The following ABCG5 variants were observed in gnomAD, a reference collection of about 807,000 sequenced individuals.
The protein encoded by ABCG5 is ATP binding cassette subfamily G member 5.
A neutral mutation model predicts 64.5 loss-of-function variants in ABCG5; 64 were observed. The ratio of observed to expected loss-of-function variants is 0.99; its 90% CI spans 0.81 to 1.22. The LOEUF is 1.22. Among genes scored for constraint, ABCG5 ranks in the 50% most tolerant of loss-of-function variants. ABCG5 has a pLI of 0.00. For synonymous variants in ABCG5, 385 were observed against 326.3 expected (o/e 1.18, Z -1.94); for missense variants, 908 against 829.5 (o/e 1.09, Z -1.16).
At chr2:43,828,212 C>T in intron 4 of ABCG5, 97 bp from the exon 5 acceptor site, 1 of 1,558,010 alleles carries the variant, frequency 6.4e-7, no homozygotes, top group Non-Finnish European at 8.7e-7. Flanking sequence ...GCACACCGCC[C>T]AAGAATCCAA....
downstream of ABCG5, among the ~76,000 whole-genome samples, chr2:43,807,879 C>T (rs896331566): frequency 2.6e-5 from 4 of 151,516 alleles, no homozygotes; most frequent in African/African-American, 9.7e-5. Context: ...ATTTTGAGGC[C>T]GTATCATTGT....
chr2:43,825,649 G>T (rs563003567), intron 6 of ABCG5, among the ~76,000 whole-genome samples: 140 of 152,216 alleles, frequency 9.2e-4, no homozygotes, highest in African/African-American at 3.2e-3. Context: ...ATCTCACTCT[G>T]TCACCCAGGC....
chr2:43,808,828 T>A (rs1666370176), downstream of ABCG5, among the ~76,000 whole-genome samples: 1 of 152,188 alleles, frequency 6.6e-6, no homozygotes, highest in Non-Finnish European at 1.5e-5. Context: ...ATTTAATCAG[T>A]CCTTACTGGG....
chr2:43,820,263 T>C (rs761305409), intron 10 of ABCG5, among the ~76,000 whole-genome samples, 163 bp from the exon 11 acceptor site: 1 of 152,222 alleles, frequency 6.6e-6, no homozygotes, highest in Non-Finnish European at 1.5e-5. Flanking sequence ...GGAGTCAACA[T>C]GAGACTATTT....
chr2:43,830,043 T>C (rs1237970396), intron 4 of ABCG5, among the ~76,000 whole-genome samples: 1 of 152,206 alleles, frequency 6.6e-6, no homozygotes, highest in Non-Finnish European at 1.5e-5. Flanking sequence ...CTTGACACAG[T>C]GAGATTTCTG....
At chr2:43,827,552 C>T (rs536588208) in intron 5 of ABCG5, among the ~76,000 whole-genome samples, 4 of 152,206 alleles carry the variant, frequency 2.6e-5, no homozygotes. Context: ...TTGATACTCC[C>T]TTCCCCACAA....
intron 5 of ABCG5, 23 bp from the exon 6 acceptor site, chr2:43,826,544 C>A (rs747876778): frequency 1.9e-6 from 3 of 1,614,142 alleles, no homozygotes; most frequent in Non-Finnish European, 2.5e-6. Flanking sequence ...AAGGGCCAGA[C>A]TTCTAAGGTA....
intron 2 of ABCG5, chr2:43,832,662 G>C (rs1668023735): frequency 6.2e-6 from 1 of 161,118 alleles, no homozygotes; most frequent in Non-Finnish European, 1.4e-5. Flanking sequence ...CACTGGCTTG[G>C]TAAGTCCTTT....
At chr2:43,821,862 C>T (rs1384584634) in intron 10 of ABCG5, among the ~76,000 whole-genome samples, 1 of 151,912 alleles carries the variant, frequency 6.6e-6, no homozygotes, top group African/African-American at 2.4e-5. Flanking sequence ...CTCTATTTTT[C>T]ATTCTCTCTC....
At chr2:43,836,133 G>C (rs554969249) in intron 2 of ABCG5, among the ~76,000 whole-genome samples, 1 of 151,972 alleles carries the variant, frequency 6.6e-6, no homozygotes, top group Non-Finnish European at 1.5e-5. Context: ...GTAGAGACGG[G>C]TTTTGCCATG....
At chr2:43,837,810 T>G (rs1276008638) in intron 2 of ABCG5, 24 bp downstream of exon 2, 1 of 1,613,438 alleles carries the variant, frequency 6.2e-7, no homozygotes, top group African/African-American at 1.3e-5. Flanking sequence ...AAATCCTTTT[T>G]AGAATCCTCC....
chr2:43,838,905 C>T, upstream of ABCG5: 2 of 1,176,694 alleles, frequency 1.7e-6, no homozygotes, highest in Non-Finnish European at 2.4e-6. The surrounding 1 kb of genome is among the most constrained non-coding windows in gnomAD (Gnocchi z 4.2). Flanking sequence ...TGTAGGTGGG[C>T]TTGCCAGCAA....
chr2:43,838,878 G>T, upstream of ABCG5: 1 of 1,191,606 alleles, frequency 8.4e-7, no homozygotes, highest in Non-Finnish European at 1.2e-6. This position sits in a 1 kb window ranked among gnomAD's most constrained non-coding sequence, Gnocchi z 4.2. Flanking sequence ...CTTGACAGTG[G>T]GCAGAACACA....
chr2:43,824,649 T>G (rs930258995), intron 7 of ABCG5: 1 of 985,070 alleles, frequency 1.0e-6, no homozygotes. Context: ...GAAGCTCAGC[T>G]AATTATGCTC....
Position 43,838,064 on chromosome 2 carries a change from C to A in ABCG5, c.144-109G>T. On this transcript the variant is annotated intron_variant, in intron 1 of 12. Coordinates refer to ENST00000405322, the MANE Select transcript of ABCG5 (RefSeq NM_022436.3). This position sits in a 1 kb window ranked among gnomAD's most constrained non-coding sequence, Gnocchi z 4.2. ...GTGCCCCACCCCAGTAGTCTCCGGA[C>A]AGGCTCCTAACGTGTTTCAGTCTCT... 6.7e-7 allele frequency: 1 copy of A among 1,484,166 alleles called. No individual in the cohort carries two copies. Among genetic ancestry groups the A allele is most frequent in the Non-Finnish European group, 9.3e-7 (1 of 1,075,912 alleles). 91.9% of individuals were successfully genotyped at this position (1,484,166 alleles called of 1,614,324 possible).
At chr2:43,808,958 A>T (rs969422280), downstream of ABCG5, among the ~76,000 whole-genome samples, 1 of 129,754 alleles carries the variant, frequency 7.7e-6, no homozygotes, top group African/African-American at 3.6e-5. Flanking sequence ...TCACTGGGAC[A>T]AAGGATACAC....
rs764153556 is a variant in ABCG5 at position 43,824,283 on chromosome 2, G to A, written c.1054C>T (p.Pro352Ser). The change falls in exon 8 of 13, where the codon CCA becomes TCA. Residue 352 changes from proline (P) to serine (S), a missense_variant. By Grantham distance (74) the Pro-to-Ser change is moderately conservative. Coordinates refer to ENST00000405322, the MANE Select transcript of ABCG5 (RefSeq NM_022436.3). The stretch of plus-strand genomic sequence containing the variant: ...TCTTTGGTTTTGAAAGGAACCATTG[G>A]TAACGTTTTCAGGTGTTTCATTCTT... ...IERMKHLKTL[P>S]MVPFKTKDSP... The A allele has an allele frequency of 5.0e-6, 8 of 1,614,198 alleles. No homozygotes were observed. The highest frequency in any genetic ancestry group is 5.1e-6 in the Non-Finnish European group (6 of 1,180,042).
chr2:43,818,138 T>C (rs1666961571), intron 11 of ABCG5, among the ~76,000 whole-genome samples: 1 of 152,160 alleles, frequency 6.6e-6, no homozygotes, highest in South Asian at 2.1e-4. Context: ...AAAAACAGGA[T>C]GATTGTATGG....
Position 43,837,902 on chromosome 2 carries a change from C to T in ABCG5, c.197G>A (p.Arg66Lys), listed in dbSNP as rs1668383501. ...DITSCRQQWT[R>K]QILKDVSLYV... is the part of the protein sequence containing the mutation. ...CAAGGAGACATCTTTGAGGATCTGC[C>T]TGGTCCACTGCTGCCGGCAAGATGT... is the stretch of plus-strand genomic sequence containing the variant. The change falls in exon 2 of 13, where the codon AGG becomes AAG. Residue 66 changes from arginine to lysine, a missense_variant. Physicochemically the swap from Arg to Lys is conservative, Grantham distance 26 (BLOSUM62 2). Coordinates refer to ENST00000405322, the MANE Select transcript of ABCG5 (RefSeq NM_022436.3). 1.2e-6 allele frequency: 2 copies of T among 1,614,046 alleles called. No homozygotes were observed. The highest frequency in any genetic ancestry group is 8.5e-7 in the Non-Finnish European group (1 of 1,180,026).
Sources: allele counts gnomAD v4.1 joint callset (sites outside exome capture counted in the v4.1 genomes callset), GRCh38; gene constraint gnomAD v4.1.1; non-coding constraint Gnocchi (gnomAD v3.1); transcripts MANE v1.5; gene names NCBI Gene and HGNC (gene_info 2026-07-23, HGNC 2026-07-21).